TIPIN: variants seen among roughly 807,000 people sequenced by gnomAD.
The protein encoded by TIPIN is TIMELESS interacting protein, also known as TIMELESS-interacting protein.
Under a neutral mutation model 35.6 loss-of-function variants are expected in TIPIN, and 29 were observed. The observed-to-expected ratio is 0.82, with a 90% CI of 0.61 to 1.11. TIPIN has a LOEUF of 1.11. Among genes scored for constraint, TIPIN ranks in the 50% most tolerant of loss-of-function variants. TIPIN has a pLI of 0.00. For synonymous variants in TIPIN, 102 were observed against 121.5 expected, an observed-to-expected ratio of 0.84 and a Z score of 1.06; for missense variants, 296 against 345.4, an observed-to-expected ratio of 0.86 and a Z score of 1.13.
At chr15:66,355,094 C>T (rs906846400) in intron 1 of TIPIN, among the ~76,000 whole-genome samples, 1 of 138,436 alleles carries the variant, frequency 7.2e-6, no homozygotes, top group South Asian at 2.2e-4. Context: ...AGTGCAGTGG[C>T]GCGATCTCTG....
chr15:66,342,710 CACAG>C (rs1486439772), intron 6 of TIPIN, among the ~76,000 whole-genome samples: 1 of 152,082 alleles, frequency 6.6e-6, no homozygotes, highest in Non-Finnish European at 1.5e-5. Flanking sequence ...TAGAGTTAAA[CACAG>C]ACAAATGAAA....
intron 1 of TIPIN, chr15:66,379,237 C>A: frequency 7.0e-7 from 1 of 1,433,798 alleles, no homozygotes; most frequent in Non-Finnish European, 9.2e-7. Context: ...ATTTACTTTT[C>A]TCCAAATCAA....
intron 1 of TIPIN, among the ~76,000 whole-genome samples, chr15:66,377,924 C>A (rs539466874): frequency 1.3e-5 from 2 of 152,282 alleles, no homozygotes; most frequent in African/African-American, 4.8e-5. Flanking sequence ...TGGCTCACTG[C>A]AACCTCTGTC....
intron 1 of TIPIN, among the ~76,000 whole-genome samples, chr15:66,384,039 C>A (rs1024599610): frequency 2.6e-5 from 4 of 152,070 alleles, no homozygotes; most frequent in Non-Finnish European, 4.4e-5. Context: ...TTCTGTCGCC[C>A]AGGCTGGAGT....
intron 1 of TIPIN, among the ~76,000 whole-genome samples, chr15:66,372,155 C>T (rs553194093): frequency 2.6e-5 from 4 of 152,212 alleles, no homozygotes; most frequent in African/African-American, 4.8e-5. Context: ...ATGAATGGAA[C>T]ACACTGTGTA....
In TIPIN at chr15:66,337,038, C is replaced by T. The variant is rs1249291973; in HGVS notation, c.826G>A (p.Glu276Lys). ...TTAAAAGACTGGTCCAGCAGTGTTT[C>T]CTCTTCATTTAAAGTATTGGCAATA... ...DAIANTLNEE[E>K]TLLDQSFKNV... The change falls in exon 8 of 8, where the codon GAA (glutamate) becomes AAA (lysine). Residue 276 changes from glutamate to lysine, a missense_variant. Transcript: ENST00000261881. 1 of 1,614,042 alleles carries T rather than the reference C, an allele frequency of 6.2e-7. No individual in the cohort carries two copies.
chr15:66,378,780 A>G (rs1444730441), intron 1 of TIPIN, among the ~76,000 whole-genome samples: 4 of 150,828 alleles, frequency 2.7e-5, no homozygotes, highest in African/African-American at 9.8e-5. Flanking sequence ...TCTATTGTCC[A>G]GGCTAGAGTG....
chr15:66,368,793 G>A (rs989794680), intron 1 of TIPIN, among the ~76,000 whole-genome samples: 1 of 152,106 alleles, frequency 6.6e-6, no homozygotes, highest in Non-Finnish European at 1.5e-5. Flanking sequence ...TTTAATTAGA[G>A]ATATTTGAAA....
intron 6 of TIPIN, among the ~76,000 whole-genome samples, chr15:66,346,242 C>T (rs1225448109): frequency 1.3e-5 from 2 of 149,982 alleles, no homozygotes; most frequent in Non-Finnish European, 3.0e-5. Flanking sequence ...GCCACTGCGC[C>T]TGGCCTTAAT....
chr15:66,374,972 A>T (rs2093290964), intron 1 of TIPIN, among the ~76,000 whole-genome samples: 1 of 152,202 alleles, frequency 6.6e-6, no homozygotes. Context: ...GGCCTCCACC[A>T]AGTGCTGGGA....
At chr15:66,349,147 A>T (rs781301639) in intron 5 of TIPIN, 24 bp from the exon 6 acceptor site, 13 of 1,606,032 alleles carry the variant, frequency 8.1e-6, no homozygotes, top group Non-Finnish European at 1.0e-5. Flanking sequence ...GAGATTATTT[A>T]TTTTTACCTC....
At chr15:66,347,397 C>T in intron 6 of TIPIN, 6 of 426,562 alleles carry the variant, frequency 1.4e-5, no homozygotes, top group South Asian at 9.8e-5. Context: ...GAAATGCAAA[C>T]TTTCATCATA....
chr15:66,350,773 CAA>C (rs573428770), intron 4 of TIPIN, among the ~76,000 whole-genome samples: 1 of 141,174 alleles, frequency 7.1e-6, no homozygotes, highest in Admixed American at 7.1e-5. Context: ...ACTAAAAATA[CAA>C]AAAAAAAAAA....
chr15:66,368,877 G>C (rs1475327008), intron 1 of TIPIN, among the ~76,000 whole-genome samples: 1 of 152,122 alleles, frequency 6.6e-6, no homozygotes, highest in East Asian at 1.9e-4. Flanking sequence ...CAAGATACCA[G>C]AGACTTTTTA....
intron 6 of TIPIN, among the ~76,000 whole-genome samples, chr15:66,344,641 A>G (rs1048588317): frequency 6.6e-6 from 1 of 150,422 alleles, no homozygotes; most frequent in Non-Finnish European, 1.5e-5. Flanking sequence ...ACATGGACCC[A>G]GGAGTTTGAG....
chr15:66,386,553 A>G (rs573289847), intron 1 of TIPIN: 1 of 158,450 alleles, frequency 6.3e-6, no homozygotes, highest in African/African-American at 2.4e-5. Flanking sequence ...TTGTTATTTC[A>G]TTTTCGTCAA....
At chr15:66,369,223 G>A (rs2093268818) in intron 1 of TIPIN, among the ~76,000 whole-genome samples, 1 of 152,026 alleles carries the variant, frequency 6.6e-6, no homozygotes, top group Non-Finnish European at 1.5e-5. Flanking sequence ...ATAATAACAA[G>A]TTTATATTTT....
intron 1 of TIPIN, among the ~76,000 whole-genome samples, chr15:66,367,668 C>T (rs956126715): frequency 2.0e-5 from 3 of 151,646 alleles, no homozygotes; most frequent in African/African-American, 4.8e-5. Flanking sequence ...GCTGGGATTA[C>T]AGACATGAGC....
intron 1 of TIPIN, among the ~76,000 whole-genome samples, chr15:66,373,491 T>TC (rs1482577916): frequency 4.9e-5 from 6 of 123,584 alleles, no homozygotes; most frequent in Non-Finnish European, 9.4e-5. Context: ...AGACTCCGTC[T>TC]CAAAAAAAAA....
Sources: allele counts gnomAD v4.1 joint callset (sites outside exome capture counted in the v4.1 genomes callset), GRCh38; gene constraint gnomAD v4.1.1; transcripts MANE v1.5; gene names NCBI Gene and HGNC (gene_info 2026-07-23, HGNC 2026-07-21).